Variants in IARS1 observed in about 807,000 individuals in gnomAD.
The protein encoded by IARS1 is isoleucyl-tRNA synthetase 1.
In IARS1, 124 loss-of-function variants were observed where a neutral mutation model predicts 168.2. The observed-to-expected ratio is 0.74, with a 90% CI of 0.64 to 0.86. The LOEUF (loss-of-function observed/expected upper bound fraction) is 0.86. Among genes scored for constraint, IARS1 ranks in the 40% least tolerant of loss-of-function variants. IARS1 has a pLI of 0.00. For synonymous variants in IARS1, 532 were observed against 529.4 expected (o/e 1.00, Z -0.07); for missense variants, 1,452 against 1,515.8 (o/e 0.96, Z 0.70).
chr9:92,260,995 C>A (rs1158419133), intron 17 of IARS1, among the ~76,000 whole-genome samples: 2 of 152,040 alleles, frequency 1.3e-5, no homozygotes, highest in African/African-American at 4.8e-5. Context: ...CATCTAAAAT[C>A]TCAATGGAAT....
At chr9:92,237,515 G>T (rs773567190) in intron 30 of IARS1, among the ~76,000 whole-genome samples, 41 of 149,964 alleles carry the variant, frequency 2.7e-4, no homozygotes, top group Non-Finnish European at 4.8e-4. Context: ...TTTGGCTGAG[G>T]TGTTCTAACT....
At chr9:92,256,600 T>G (rs921892780) in intron 20 of IARS1, 80 bp downstream of exon 20, 1 of 1,329,882 alleles carries the variant, frequency 7.5e-7, no homozygotes, top group East Asian at 2.3e-5. Context: ...TCTCTCAATA[T>G]TTCCACTATT....
intron 13 of IARS1, among the ~76,000 whole-genome samples, chr9:92,269,438 CT>C (rs1264520398): frequency 6.6e-6 from 1 of 152,226 alleles, no homozygotes; most frequent in Non-Finnish European, 1.5e-5. Flanking sequence ...GGCTTCTGTG[CT>C]TGGAGCTTAT....
Position 92,223,478 on chromosome 9 carries a change from G to C in IARS1, c.3421C>G (p.Gln1141Glu). ...VFHDETEIQNQTDLLSLSGKT... is the reference protein window; with the variant it reads ...VFHDETEIQNETDLLSLSGKT... ...CCACTAAGACTCAGTAAGTCAGTTT[G>C]GTTTTGTATTTCTAAAAATAACAAC... Residue 1141 changes from glutamine to glutamate, a missense_variant, in exon 32 of 34, where the codon CAA becomes GAA. Physicochemically the swap from Gln to Glu is conservative, Grantham distance 29. Coordinates refer to ENST00000443024, the MANE Select transcript of IARS1 (RefSeq NM_002161.6). The C allele has an allele frequency of 6.2e-7, 1 of 1,610,104 alleles. No homozygotes were observed. Among genetic ancestry groups the C allele is most frequent in the Non-Finnish European group, 8.5e-7 (1 of 1,178,626 alleles).
chr9:92,266,098 C>T (rs1367334966), intron 14 of IARS1, among the ~76,000 whole-genome samples: 1 of 152,182 alleles, frequency 6.6e-6, no homozygotes, highest in African/African-American at 2.4e-5. Flanking sequence ...CTGTTTCCAC[C>T]CCAGTATCAG....
intron 25 of IARS1, among the ~76,000 whole-genome samples, chr9:92,248,603 A>C (rs951568887): frequency 1.3e-5 from 2 of 148,844 alleles, no homozygotes; most frequent in Non-Finnish European, 3.0e-5. Context: ...TAGTGAGCCA[A>C]GATCACATCA....
chr9:92,278,334 G>T, intron 7 of IARS1, 48 bp from the exon 8 acceptor site: 2 of 1,306,588 alleles, frequency 1.5e-6, no homozygotes, highest in Non-Finnish European at 2.2e-6. Context: ...TCTGAACTTG[G>T]CTGATTCCAA....
intron 10 of IARS1, 47 bp from the exon 11 acceptor site, chr9:92,271,702 G>T (rs772468724): frequency 1.3e-6 from 2 of 1,599,522 alleles, no homozygotes; most frequent in African/African-American, 1.3e-5. Flanking sequence ...TCTATGTATG[G>T]GTGTGAGCAT....
At position 92,256,819 on chromosome 9, in the gene IARS1, T is replaced by C. The variant is rs1430290176; in HGVS notation, c.2017-19A>G. ...CTTCCTCCTAGGAAGGAACAATTAA[T>C]GAAACACTGGCACACTTGGGAAGAA... is the stretch of plus-strand genomic sequence containing the variant. On this transcript the variant is annotated intron_variant, in intron 19 of 33. Coordinates refer to ENST00000443024, the MANE Select transcript of IARS1 (RefSeq NM_002161.6). 1 of 1,601,212 alleles carries C rather than the reference T, an allele frequency of 6.2e-7. No homozygotes were observed. Among genetic ancestry groups the C allele is most frequent in the Non-Finnish European group, 8.5e-7 (1 of 1,171,598 alleles).
rs759840516 is a variant in IARS1 at position 92,250,826 on chromosome 9, G to C, written c.2316C>G (p.Tyr772Ter). Residue 772 changes from tyrosine (Y) to a stop codon, truncating the protein, a stop_gained, in exon 23 of 34, where the codon TAC becomes TAG. Coordinates refer to ENST00000443024, the MANE Select transcript of IARS1 (RefSeq NM_002161.6). LOFTEE classifies it high-confidence loss of function. ...ACATCAATTCAGTGAGAAAAGGTGT[G>C]TAGGGAGCCTGTATGAAGACACAGG... ...LLSLCRLMAP[Y>*]TPFLTELMYQ... The C allele has an allele frequency of 1.2e-6, 2 of 1,606,746 alleles. No homozygotes were observed. Among genetic ancestry groups the C allele is most frequent in the African/African-American group, 1.3e-5 (1 of 74,786 alleles).
chr9:92,222,395 T>G, intron 33 of IARS1, 125 bp downstream of exon 33: 1 of 551,792 alleles, frequency 1.8e-6, no homozygotes, highest in Non-Finnish European at 3.0e-6. Flanking sequence ...GGTAAATTTC[T>G]GGGGAAAGAA....
At chr9:92,242,077 A>G in intron 29 of IARS1, 77 bp downstream of exon 29, 2 of 1,100,826 alleles carry the variant, frequency 1.8e-6, no homozygotes, top group Non-Finnish European at 2.7e-6. Flanking sequence ...GTGGGACAGA[A>G]TATCAACACG....
chr9:92,252,468 C>T, intron 21 of IARS1: 1 of 479,092 alleles, frequency 2.1e-6, no homozygotes, highest in Non-Finnish European at 4.2e-6. Flanking sequence ...ATTATTAATG[C>T]CTTTTAAGAC....
At chr9:92,293,452 AGGC>A in intron 1 of IARS1, 156 bp downstream of exon 1, 1 of 532,756 alleles carries the variant, frequency 1.9e-6, no homozygotes, top group Non-Finnish European at 3.8e-6. Context: ...TCATTCAAAA[AGGC>A]GACCATAAAT....
intron 28 of IARS1, 52 bp downstream of exon 28, chr9:92,243,164 C>T: frequency 7.2e-7 from 1 of 1,379,784 alleles, no homozygotes; most frequent in Non-Finnish European, 1.0e-6. Flanking sequence ...TCCAAACAAC[C>T]AAAACAAACA....
chr9:92,211,768 T>C (rs1837801432), intron 33 of IARS1, among the ~76,000 whole-genome samples: 1 of 152,162 alleles, frequency 6.6e-6, no homozygotes, highest in African/African-American at 2.4e-5. Flanking sequence ...CTCTATAATT[T>C]GAAGAACAGC....
intron 14 of IARS1, among the ~76,000 whole-genome samples, chr9:92,267,931 A>C (rs1293602982): frequency 6.6e-6 from 1 of 152,202 alleles, no homozygotes; most frequent in Non-Finnish European, 1.5e-5. Flanking sequence ...CCCTGAGAAA[A>C]CTGTATCCTT....
intron 21 of IARS1, chr9:92,252,300 A>C: frequency 2.2e-6 from 1 of 458,700 alleles, no homozygotes; most frequent in Non-Finnish European, 4.3e-6. Context: ...AAAAATACCA[A>C]TTCATTGAAA....
In IARS1 at chr9:92,278,232, TAGA is replaced by T; in HGVS notation, c.797_799del (p.Leu266_Tyr267delinsHis). On this transcript the variant is annotated inframe_deletion, in exon 8 of 34. Transcript: ENST00000443024. ...GATCTCATAGTCACTCTCCAATTTATAGAGGGCTGACAATCTGGCTTCCATTAA... is the reference window on the plus strand; with the variant it reads ...GATCTCATAGTCACTCTCCAATTTATGGGCTGACAATCTGGCTTCCATTAA... 1 of 1,612,240 alleles carries T rather than the reference TAGA, an allele frequency of 6.2e-7. No individual in the cohort carries two copies.
Sources: allele counts gnomAD v4.1 joint callset (sites outside exome capture counted in the v4.1 genomes callset), GRCh38; gene constraint gnomAD v4.1.1; transcripts MANE v1.5; gene names NCBI Gene and HGNC (gene_info 2026-07-23, HGNC 2026-07-21).